NEXMIF: variants seen among roughly 807,000 people sequenced by gnomAD.
The protein encoded by NEXMIF is neurite extension and migration factor, also known as XLMR protein related to neurite extension.
Under a neutral mutation model 62.1 loss-of-function variants are expected in NEXMIF, and 8 were observed. That is an observed-to-expected ratio of 0.13 (90% confidence interval 0.08 to 0.23). The LOEUF (loss-of-function observed/expected upper bound fraction) is 0.23, where lower values mean the gene tolerates loss of function less well. NEXMIF is among the 10% of genes least tolerant of loss of function. The pLI, the probability that NEXMIF is intolerant of heterozygous loss-of-function variation, is 1.00. For synonymous variants in NEXMIF, 404 were observed against 416.6 expected (o/e 0.97, Z 0.37); for missense variants, 976 against 1,113.3 (o/e 0.88, Z 1.75).
intron 1 of NEXMIF, among the ~76,000 whole-genome samples, chrX:74,833,200 TAG>T (rs888214747): frequency 6.4e-5 from 7 of 109,873 alleles, no homozygotes; most frequent in African/African-American, 2.3e-4. Context: ...ATGCTGAAAG[TAG>T]AGTGTTGAAG....
chrX:74,849,647 C>T (rs1327534704), intron 1 of NEXMIF, among the ~76,000 whole-genome samples: 1 of 112,766 alleles, frequency 8.9e-6, no homozygotes, highest in Non-Finnish European at 1.9e-5. Context: ...TCACATCATC[C>T]ATCTGTAGCC....
At chrX:74,796,209 T>TGTATATATATATACATATATAATA (rs1491129454) in intron 1 of NEXMIF, among the ~76,000 whole-genome samples, 2 of 46,615 alleles carry the variant, frequency 4.3e-5, no homozygotes, top group Non-Finnish European at 7.8e-5. Context: ...TACATATATA[T>TGTATATATATATACATATATAATA]TATATATATA....
At chrX:74,875,770 G>T (rs1311983673) in intron 1 of NEXMIF, among the ~76,000 whole-genome samples, 1 of 112,000 alleles carries the variant, frequency 8.9e-6, no homozygotes, top group Non-Finnish European at 1.9e-5. Context: ...AGATTTTCTA[G>T]TTTATTTGTG....
chrX:74,744,496 AAT>A lies in NEXMIF; in HGVS notation c.80-21_80-20del, dbSNP rs748822905. 3.6e-6 allele frequency: 4 copies of A among 1,118,657 alleles called. No homozygotes were observed. Among genetic ancestry groups the A allele is most frequent in the Non-Finnish European group, 4.8e-6 (4 of 837,055 alleles). The allele number at this position is 1,118,657 out of a possible 1,213,427, so 92.2% of individuals were successfully genotyped here. On this transcript the variant is annotated intron_variant, in intron 2 of 3. Transcript: ENST00000055682. ...TCTGAGTCTAGAAAAAAGGGAAAGA[AAT>A]GACAGGAATAAAATTAAGAGTCTTA...
chrX:74,829,295 C>A (rs770462607), intron 1 of NEXMIF, among the ~76,000 whole-genome samples: 1 of 112,381 alleles, frequency 8.9e-6, no homozygotes, highest in East Asian at 2.8e-4. Flanking sequence ...AGTGACAGAA[C>A]ATGTGATGTT....
intron 1 of NEXMIF, among the ~76,000 whole-genome samples, chrX:74,852,771 C>T (rs778129039): frequency 1.8e-5 from 2 of 111,032 alleles, no homozygotes; most frequent in Non-Finnish European, 3.8e-5. Flanking sequence ...AAACGCAAGA[C>T]ACCAAAACTT....
chrX:74,871,930 C>T (rs1165854753), intron 1 of NEXMIF, among the ~76,000 whole-genome samples: 2 of 111,050 alleles, frequency 1.8e-5, no homozygotes, highest in East Asian at 2.8e-4. Context: ...ATTACAGGGT[C>T]CTGAGGTGAC....
intron 1 of NEXMIF, among the ~76,000 whole-genome samples, chrX:74,758,159 G>C (rs1344178953): frequency 9.0e-6 from 1 of 110,866 alleles, no homozygotes; most frequent in Non-Finnish European, 1.9e-5. Flanking sequence ...CTGTCTCTTG[G>C]GGAAGAGGAG....
intron 1 of NEXMIF, among the ~76,000 whole-genome samples, chrX:74,921,563 T>C (rs1469096799): frequency 1.8e-5 from 2 of 111,478 alleles, no homozygotes; most frequent in African/African-American, 6.5e-5. Context: ...AGTAGGTGTA[T>C]ATATTCTTTG....
intron 1 of NEXMIF, among the ~76,000 whole-genome samples, chrX:74,918,440 G>A (rs1338442482): frequency 8.9e-6 from 1 of 111,868 alleles, no homozygotes; most frequent in Admixed American, 9.5e-5. Context: ...CTAGTCTCTG[G>A]GTTAATAAAT....
chrX:74,824,780 C>T (rs1445539773), intron 1 of NEXMIF, among the ~76,000 whole-genome samples: 1 of 109,959 alleles, frequency 9.1e-6, no homozygotes, highest in Admixed American at 9.7e-5. Flanking sequence ...TCCCCAGCAG[C>T]TGGGGCTACA....
At chrX:74,768,988 T>C (rs762504671) in intron 1 of NEXMIF, among the ~76,000 whole-genome samples, 28 of 111,634 alleles carry the variant, frequency 2.5e-4, no homozygotes, top group African/African-American at 9.1e-4. Context: ...TCAAGTCATG[T>C]TGGGCATGTT....
intron 1 of NEXMIF, among the ~76,000 whole-genome samples, chrX:74,836,791 T>C (rs777949715): frequency 4.5e-5 from 5 of 111,634 alleles, no homozygotes; most frequent in Non-Finnish European, 7.5e-5. Context: ...TTAGCTGCCC[T>C]GGCTGGTGTC....
intron 1 of NEXMIF, among the ~76,000 whole-genome samples, chrX:74,900,260 C>G (rs1217918515): frequency 9.1e-6 from 1 of 109,814 alleles, no homozygotes; most frequent in African/African-American, 3.3e-5. Flanking sequence ...GTCAGGAGAT[C>G]AAGACCAGCC....
intron 1 of NEXMIF, among the ~76,000 whole-genome samples, chrX:74,770,650 G>C (rs2080207258): frequency 8.9e-6 from 1 of 111,788 alleles, no homozygotes; most frequent in South Asian, 3.7e-4. Context: ...GAAATATCTT[G>C]TCAAGGATTA....
At position 74,924,893 on chromosome X, in the gene NEXMIF, G is replaced by T; in HGVS notation, c.-58C>A. The T allele has an allele frequency of 8.7e-6, 1 of 115,138 alleles. No individual in the cohort carries two copies. The highest frequency in any genetic ancestry group is 3.1e-4 in the South Asian group (1 of 3,258). 9.5% of individuals were successfully genotyped at this position (115,138 alleles called of 1,213,427 possible). ...AGCGCTCCTACTCACCTCACAGGCC[G>T]ACTCCCGAGGCGCACGTCGCTGGCG... On this transcript the variant is annotated 5_prime_UTR_variant, in exon 1 of 4. Transcript: ENST00000055682.
At chrX:74,853,084 C>T (rs2080521928) in intron 1 of NEXMIF, among the ~76,000 whole-genome samples, 1 of 110,469 alleles carries the variant, frequency 9.1e-6, no homozygotes, top group Admixed American at 9.6e-5. Flanking sequence ...TACCCTGGTT[C>T]TTTGTCACAG....
chrX:74,741,248 T>C lies in NEXMIF; in HGVS notation c.3309A>G (p.Pro1103=), dbSNP rs767829603. The C allele has an allele frequency of 1.7e-6, 2 of 1,211,555 alleles. No individual in the cohort carries two copies. The highest frequency in any genetic ancestry group is 1.1e-6 in the Non-Finnish European group (1 of 895,273). Residue 1103 remains proline (P), a synonymous_variant, in exon 3 of 4, where the codon CCA becomes CCG. Transcript: ENST00000055682. ...GTLKGFQEGV[P]GPLDSVEKIK... ...TTTTTTCCACACTGTCCAATGGTCCTGGGACACCCTCTTGGAACCCCTTTA... is the reference window on the plus strand; with the variant it reads ...TTTTTTCCACACTGTCCAATGGTCCCGGGACACCCTCTTGGAACCCCTTTA...
At chrX:74,904,200 C>A (rs1429132679) in intron 1 of NEXMIF, among the ~76,000 whole-genome samples, 4 of 110,916 alleles carry the variant, frequency 3.6e-5, no homozygotes, top group Admixed American at 2.9e-4. Context: ...CCCTTGGTCA[C>A]ACCCTAGGCC....
Sources: allele counts gnomAD v4.1 joint callset (sites outside exome capture counted in the v4.1 genomes callset), GRCh38; gene constraint gnomAD v4.1.1; transcripts MANE v1.5; gene names NCBI Gene and HGNC (gene_info 2026-07-23, HGNC 2026-07-21).